Variants in CRACR2A observed in about 807,000 individuals in gnomAD.
CRACR2A encodes the protein EF-hand calcium-binding domain-containing protein 4B.
Under a neutral mutation model 90.5 loss-of-function variants are expected in CRACR2A, and 79 were observed. That is an observed-to-expected ratio of 0.87 (90% CI 0.73 to 1.05). The LOEUF (loss-of-function observed/expected upper bound fraction) is 1.05. Ranked by LOEUF, CRACR2A falls within the 50% of genes least tolerant of loss-of-function variation. The pLI is 0.00. For missense variants in CRACR2A, 823 were observed against 897.2 expected, an observed-to-expected ratio of 0.92 and a Z score of 1.06; for synonymous variants, 338 against 356.7, an observed-to-expected ratio of 0.95 and a Z score of 0.59.
At position 3,653,600 on chromosome 12, in the gene CRACR2A, G is replaced by A. The variant is rs1396402784; in HGVS notation, c.1046+612C>T. On this transcript the variant is annotated intron_variant, in intron 10 of 19. Coordinates refer to ENST00000440314, the MANE Select transcript of CRACR2A (RefSeq NM_001144958.2). ...CCTAGTAAACTAACCCCCATGGCTGGACGATATTGGCAGGTCGGGCCCTGA... is the reference window on the plus strand; with the variant it reads ...CCTAGTAAACTAACCCCCATGGCTGAACGATATTGGCAGGTCGGGCCCTGA... Among the ~76,000 whole-genome samples, 3 of 152,186 alleles carry A rather than the reference G, an allele frequency of 2.0e-5. No homozygotes were observed. In the East Asian group the frequency reaches 5.8e-4, roughly 29 times the overall value.
intron 3 of CRACR2A, among the ~76,000 whole-genome samples, chr12:3,703,622 G>A (rs1389534443): frequency 1.3e-5 from 2 of 152,180 alleles, no homozygotes; most frequent in South Asian, 2.1e-4. Context: ...TACAATTTAA[G>A]TGAATGAAAA....
chr12:3,651,717 C>T (rs368207783), intron 10 of CRACR2A, among the ~76,000 whole-genome samples: 17 of 152,262 alleles, frequency 1.1e-4, no homozygotes, highest in African/African-American at 2.9e-4. Context: ...TGCAGTAGCA[C>T]GGGGCAGCAA....
At chr12:3,649,096 G>A (rs1429201413) in intron 10 of CRACR2A, among the ~76,000 whole-genome samples, 1 of 152,046 alleles carries the variant, frequency 6.6e-6, no homozygotes, top group Admixed American at 6.5e-5. Context: ...GGGGGAAGGG[G>A]GGAGGGATAG....
intron 4 of CRACR2A, among the ~76,000 whole-genome samples, chr12:3,685,299 C>T (rs547285459): frequency 6.6e-6 from 1 of 152,302 alleles, no homozygotes; most frequent in African/African-American, 2.4e-5. Flanking sequence ...TGTGATGGTG[C>T]AGCTATTGTA....
intron 1 of CRACR2A, among the ~76,000 whole-genome samples, chr12:3,742,716 A>C (rs1036561516): frequency 6.6e-6 from 1 of 152,222 alleles, no homozygotes; most frequent in Non-Finnish European, 1.5e-5. Context: ...GGACAGAAGG[A>C]CACTCATGGA....
In CRACR2A at chr12:3,709,717, C is replaced by T. The variant is rs527423379; in HGVS notation, c.-37+3520G>A. ...GCTTGAACCCGGGAGGTGGAAGTTG[C>T]AGTGAGCCAAGACTGTGCCACTGCA... is the stretch of plus-strand genomic sequence containing the variant. On this transcript the variant is annotated intron_variant, in intron 3 of 19. Coordinates refer to ENST00000440314, the MANE Select transcript of CRACR2A (RefSeq NM_001144958.2). 2.6e-5 allele frequency among the ~76,000 whole-genome samples: 4 copies of T among 152,340 alleles called. No individual in the cohort carries two copies. The East Asian group carries it at 7.7e-4, about 29-fold the overall frequency.
At position 3,619,327 on chromosome 12, in the gene CRACR2A, G is replaced by C; in HGVS notation, c.1978C>G (p.Leu660Val). The change falls in exon 18 of 20, where the codon CTT becomes GTT. Residue 660 changes from leucine (L) to valine (V), a missense_variant. Coordinates refer to ENST00000440314, the MANE Select transcript of CRACR2A (RefSeq NM_001144958.2). ...ACTTCCCGCTCCTTCTCGTTGTCAA[G>C]CTTATTACCCAGCAGAAGAACAGGC... ...RVPVLLLGNKLDNEKEREVPR... is the reference protein window; with the variant it reads ...RVPVLLLGNKVDNEKEREVPR... The C allele has an allele frequency of 6.4e-7, 1 of 1,551,686 alleles. No homozygotes were observed. Among genetic ancestry groups the C allele is most frequent in the African/African-American group, 1.4e-5 (1 of 73,162 alleles).
At chr12:3,691,450 A>G (rs1256875934) in intron 4 of CRACR2A, among the ~76,000 whole-genome samples, 1 of 152,150 alleles carries the variant, frequency 6.6e-6, no homozygotes, top group African/African-American at 2.4e-5. Context: ...TCTTTTATTT[A>G]TGTATGTTGA....
intron 8 of CRACR2A, among the ~76,000 whole-genome samples, chr12:3,658,180 C>T (rs1345701488): frequency 2.0e-5 from 3 of 152,044 alleles, no homozygotes; most frequent in East Asian, 1.9e-4. Flanking sequence ...GCAAACTTGT[C>T]CTTGAATTTT....
intron 7 of CRACR2A, chr12:3,672,866 C>A: frequency 1.1e-6 from 1 of 933,810 alleles, no homozygotes; most frequent in South Asian, 4.9e-5. Context: ...GACGAAGAGA[C>A]ATGAGGCCGT....
intron 4 of CRACR2A, among the ~76,000 whole-genome samples, chr12:3,685,437 T>C (rs1374213593): frequency 6.6e-6 from 1 of 152,214 alleles, no homozygotes; most frequent in Admixed American, 6.5e-5. Flanking sequence ...TGCCCATCCA[T>C]GTCCATATCA....
At chr12:3,705,640 C>T (rs925500734) in intron 3 of CRACR2A, among the ~76,000 whole-genome samples, 1 of 152,224 alleles carries the variant, frequency 6.6e-6, no homozygotes, top group East Asian at 1.9e-4. Context: ...CAGTGATTAA[C>T]TCGGAGCTGG....
At chr12:3,752,902 G>T (rs1946731286) in intron 1 of CRACR2A, 113 bp downstream of exon 1, 1 of 152,320 alleles carries the variant, frequency 6.6e-6, no homozygotes, top group South Asian at 2.1e-4. Context: ...CAGGCCCTCT[G>T]CGAGTTCCAT....
At chr12:3,706,610 A>G (rs1945926060) in intron 3 of CRACR2A, among the ~76,000 whole-genome samples, 1 of 152,118 alleles carries the variant, frequency 6.6e-6, no homozygotes, top group South Asian at 2.1e-4. Flanking sequence ...GCTATTACTT[A>G]TTTATTTAGA....
At chr12:3,647,203 C>T (rs1367930299) in intron 11 of CRACR2A, among the ~76,000 whole-genome samples, 2 of 149,860 alleles carry the variant, frequency 1.3e-5, no homozygotes, top group South Asian at 2.2e-4. Context: ...CCCCCACCCC[C>T]ACCTCAGCAT....
intron 17 of CRACR2A, among the ~76,000 whole-genome samples, chr12:3,621,677 A>AAAAAAAAAAAAAAAAAAAAAAAC (rs1944141576): frequency 7.0e-6 from 1 of 143,826 alleles, no homozygotes. Context: ...AAAAAAAAAA[A>AAAAAAAAAAAAAAAAAAAAAAAC]AAAACCAAAG....
intron 8 of CRACR2A, among the ~76,000 whole-genome samples, chr12:3,656,754 C>G (rs1591661965): frequency 6.6e-6 from 1 of 152,110 alleles, no homozygotes; most frequent in Non-Finnish European, 1.5e-5. Context: ...AAACATCAGG[C>G]CTTGGTCTCC....
intron 11 of CRACR2A, among the ~76,000 whole-genome samples, chr12:3,646,274 A>G (rs1411543836): frequency 6.6e-6 from 1 of 152,178 alleles, no homozygotes; most frequent in South Asian, 2.1e-4. Context: ...AGGCCAGATG[A>G]CCTCAACGTG....
In CRACR2A at chr12:3,733,974, T is replaced by TTTTTTTTA. The variant is rs1555121380; in HGVS notation, c.-386-765_-386-764insTAAAAAAA. Among the ~76,000 whole-genome samples the TTTTTTTTA allele has an allele frequency of 1.0e-3, 20 of 19,098 alleles. 2 individuals carry two copies. Among genetic ancestry groups the TTTTTTTTA allele is most frequent in the African/African-American group, 2.6e-3 (20 of 7,672 alleles). The allele number at this position is 19,098 out of a possible 152,430, so 12.5% of individuals were successfully genotyped here. A position where few individuals can be genotyped will look rare whatever the true frequency, so the allele number is the denominator to read the frequency against. ...CCTAGACTGGACACATTTTGCCTTATTTTTTTTTTTTTTTGAGATGGAGTC... is the reference window on the plus strand; with the variant it reads ...CCTAGACTGGACACATTTTGCCTTATTTTTTTTATTTTTTTTTTTTTTGAGATGGAGTC... On this transcript the variant is annotated intron_variant, in intron 1 of 19. Transcript: ENST00000440314.
Sources: gnomAD v4.1 joint callset for allele counts (sites outside exome capture counted in the v4.1 genomes callset) on GRCh38, gnomAD v4.1.1 for gene constraint, MANE v1.5 for transcripts, NCBI Gene and HGNC (gene_info 2026-07-23, HGNC 2026-07-21) for gene names.